Variants in SVEP1 observed in about 807,000 individuals in gnomAD.
SVEP1 encodes sushi, von Willebrand factor type A, EGF and pentraxin domain-containing protein 1.
In SVEP1, 164 loss-of-function variants were observed where a neutral mutation model predicts 367.3. That is an observed-to-expected ratio of 0.45 (90% CI 0.39 to 0.51). SVEP1 has a LOEUF of 0.51. Ranked by LOEUF, SVEP1 falls within the 20% of genes least tolerant of loss-of-function variation. SVEP1 has a pLI of 0.00. For missense variants in SVEP1, 4,117 were observed against 4,425.3 expected (o/e 0.93, Z 1.98); for synonymous variants, 1,666 against 1,611.6 (o/e 1.03, Z -0.81).
intron 1 of SVEP1, among the ~76,000 whole-genome samples, chr9:110,578,199 G>A (rs1214996461): frequency 2.0e-5 from 3 of 152,156 alleles, no homozygotes; most frequent in Non-Finnish European, 4.4e-5. Flanking sequence ...ATTGTTGCAC[G>A]CAATGGAATA....
chr9:110,489,673 C>T lies in SVEP1; in HGVS notation c.1907G>A (p.Cys636Tyr). 6.2e-7 allele frequency: 1 copy of T among 1,612,946 alleles called. No individual in the cohort carries two copies. Among genetic ancestry groups the T allele is most frequent in the Non-Finnish European group, 8.5e-7 (1 of 1,179,400 alleles). ...ACCAATAACCTTGATATGGAAAATG[C>T]AGCTGGCCTGGTTGCCGGATAGGTC... is the stretch of plus-strand genomic sequence containing the variant. ...ATDLSGNQAS[C>Y]IFHIKVIDAE... Residue 636 changes from cysteine (C) to tyrosine (Y), a missense_variant, in exon 9 of 48, where the codon TGC (cysteine) becomes TAC (tyrosine). Coordinates refer to ENST00000374469, the MANE Select transcript of SVEP1 (RefSeq NM_153366.4).
chr9:110,515,625 A>T (rs1829790217), intron 3 of SVEP1, among the ~76,000 whole-genome samples: 1 of 152,152 alleles, frequency 6.6e-6, no homozygotes, highest in Non-Finnish European at 1.5e-5. Flanking sequence ...TACATAAATT[A>T]TCTCATTTAA....
chr9:110,478,300 T>G (rs1294062966), intron 13 of SVEP1, among the ~76,000 whole-genome samples: 1 of 152,208 alleles, frequency 6.6e-6, no homozygotes, highest in Non-Finnish European at 1.5e-5. Context: ...TGTAATTTGT[T>G]TATTGTTGGT....
At chr9:110,396,313 A>G (rs1168253900) in intron 40 of SVEP1, among the ~76,000 whole-genome samples, 1 of 152,060 alleles carries the variant, frequency 6.6e-6, no homozygotes, top group Non-Finnish European at 1.5e-5. Flanking sequence ...GAACAAAGAC[A>G]CAACATACCA....
At chr9:110,403,127 CT>C (rs1827888383) in intron 39 of SVEP1, among the ~76,000 whole-genome samples, 2 of 151,942 alleles carry the variant, frequency 1.3e-5, no homozygotes, top group Non-Finnish European at 2.9e-5. Flanking sequence ...GTCTGCTATA[CT>C]CTGCCACATT....
chr9:110,567,225 C>T (rs565257433), intron 1 of SVEP1, among the ~76,000 whole-genome samples: 24 of 152,158 alleles, frequency 1.6e-4, no homozygotes, highest in African/African-American at 5.8e-4. Context: ...TGATCTTTGT[C>T]GTAAGCAAGC....
chr9:110,482,387 G>A lies in SVEP1; in HGVS notation c.2144C>T (p.Thr715Ile). 6.2e-7 allele frequency: 1 copy of A among 1,612,650 alleles called. No homozygotes were observed. The highest frequency in any genetic ancestry group is 8.5e-7 in the Non-Finnish European group (1 of 1,179,456). The change falls in exon 11 of 48, where the codon ACA becomes ATA. Residue 715 changes from threonine (T) to isoleucine (I), a missense_variant. Around this residue, in one of 4 missense-constraint regions of SVEP1, gnomAD observed 2,174 missense variants for 2,494.3 expected, o/e 0.87. Coordinates refer to ENST00000374469, the MANE Select transcript of SVEP1 (RefSeq NM_153366.4). ...TATDPSGNNR[T>I]CDIHIVIKGS... ...TTTTATGACAATATGGATATCACATGTCCTGTTATTGCCTGAGGGGTCAGT... is the reference window on the plus strand; with the variant it reads ...TTTTATGACAATATGGATATCACATATCCTGTTATTGCCTGAGGGGTCAGT...
chr9:110,553,251 T>C (rs1393869854), intron 1 of SVEP1, among the ~76,000 whole-genome samples: 2 of 152,288 alleles, frequency 1.3e-5, no homozygotes, highest in East Asian at 1.9e-4. Flanking sequence ...AGAGGTAATA[T>C]TTCTCAACGT....
At chr9:110,442,554 G>C (rs1564144020) in intron 27 of SVEP1, 1 of 150,642 alleles carries the variant, frequency 6.6e-6, no homozygotes, top group Admixed American at 6.6e-5. Flanking sequence ...TTCGCCTCCT[G>C]GGTTCAAGCG....
intron 40 of SVEP1, among the ~76,000 whole-genome samples, chr9:110,394,576 C>T (rs1035107822): frequency 3.9e-5 from 6 of 152,044 alleles, no homozygotes; most frequent in Admixed American, 1.3e-4. Flanking sequence ...GAAGTTCAAA[C>T]GAATGGCAAA....
chr9:110,551,119 A>T (rs186418465), intron 1 of SVEP1, among the ~76,000 whole-genome samples: 365 of 152,342 alleles, frequency 2.4e-3, no homozygotes, highest in African/African-American at 8.4e-3. Context: ...GAAACACTAC[A>T]TGTTTTTCAG....
chr9:110,481,401 C>G lies in SVEP1; in HGVS notation c.2206G>C (p.Gly736Arg), dbSNP rs779126368. 391 of 1,600,724 alleles carry G rather than the reference C, an allele frequency of 2.4e-4. No homozygotes were observed. The highest frequency in any genetic ancestry group is 3.1e-4 in the Non-Finnish European group (365 of 1,173,384). Reference protein sequence around the residue: ...PCEIPFTPVNGDFICTPDNTG... With the variant: ...PCEIPFTPVNRDFICTPDNTG... ...TTATCTGGAGTGCATATAAAATCCC[C>G]ATTTACAGGTGTGAATGGAATTTCA... The change falls in exon 12 of 48, where the codon GGG becomes CGG. Residue 736 changes from glycine (G) to arginine (R), a missense_variant. Coordinates refer to ENST00000374469, the MANE Select transcript of SVEP1 (RefSeq NM_153366.4).
In SVEP1 at chr9:110,415,803, G is replaced by A. The variant is rs572577753; in HGVS notation, c.5976-4068C>T. ...GAAATTTCCATGTGCCAGAAATGAA[G>A]AGGAAATTACAAACAGAAAAGTAAA... is the stretch of plus-strand genomic sequence containing the variant. On this transcript the variant is annotated intron_variant, in intron 36 of 47. Transcript: ENST00000374469. 1.1e-4 allele frequency among the ~76,000 whole-genome samples: 17 copies of A among 152,146 alleles called. 1 individual carries two copies. Among genetic ancestry groups the A allele is most frequent in the African/African-American group, 4.1e-4 (17 of 41,400 alleles).
At chr9:110,369,064 G>T (rs1021421686) in intron 47 of SVEP1, among the ~76,000 whole-genome samples, 1 of 152,042 alleles carries the variant, frequency 6.6e-6, no homozygotes, top group Non-Finnish European at 1.5e-5. Context: ...ATATGGTAGG[G>T]GTAAGTGTAC....
rs1491369063 is a variant in SVEP1 at position 110,390,290 on chromosome 9, CTT to C, written c.9823-705_9823-704del. Among the ~76,000 whole-genome samples the C allele has an allele frequency of 1.8e-4, 3 of 16,986 alleles. 1 individual carries two copies. The highest frequency in any genetic ancestry group is 1.1e-3 in the African/African-American group (2 of 1,828). The allele number at this position is 16,986 out of a possible 152,430, so 11.1% of individuals were successfully genotyped here. A position where few individuals can be genotyped will look rare whatever the true frequency, so the allele number is the denominator to read the frequency against. The stretch of plus-strand genomic sequence containing the variant: ...ATATATATACTTATATATATACATA[CTT>C]ATATATACTTATATAAGTATGTGTA... On this transcript the variant is annotated intron_variant, in intron 40 of 47. Coordinates refer to ENST00000374469, the MANE Select transcript of SVEP1 (RefSeq NM_153366.4).
intron 32 of SVEP1, among the ~76,000 whole-genome samples, chr9:110,431,559 A>G (rs887401854): frequency 4.6e-5 from 7 of 152,340 alleles, no homozygotes; most frequent in Non-Finnish European, 8.8e-5. Flanking sequence ...AGATATTGAT[A>G]GTGAAGATGT....
At chr9:110,448,006 C>T (rs1828630026) in intron 24 of SVEP1, among the ~76,000 whole-genome samples, 1 of 152,076 alleles carries the variant, frequency 6.6e-6, no homozygotes, top group Non-Finnish European at 1.5e-5. Flanking sequence ...TATGATACCA[C>T]TTATGTAACA....
chr9:110,572,789 CAAAAAAAAA>C lies in SVEP1; in HGVS notation c.531+6215_531+6223del, dbSNP rs56077443. On this transcript the variant is annotated intron_variant, in intron 1 of 47. Coordinates refer to ENST00000374469, the MANE Select transcript of SVEP1 (RefSeq NM_153366.4). ...AGAGGGTGACCCTCTCTCTCTCTCA[CAAAAAAAAA>C]AAAAAAAAAAAAAAAAAATGAGTAC... 4.3e-3 allele frequency among the ~76,000 whole-genome samples: 331 copies of C among 76,530 alleles called. 8 individuals are homozygous for C. In the East Asian group the frequency reaches 0.1, roughly 23 times the overall value. 50.2% of individuals were successfully genotyped at this position (76,530 alleles called of 152,430 possible). A position where few individuals can be genotyped will look rare whatever the true frequency, so the allele number is the denominator to read the frequency against.
At position 110,406,251 on chromosome 9, in the gene SVEP1, A is replaced by C; in HGVS notation, c.9349T>G (p.Cys3117Gly). 1 of 1,613,950 alleles carries C rather than the reference A, an allele frequency of 6.2e-7. No homozygotes were observed. The highest frequency in any genetic ancestry group is 8.5e-7 in the Non-Finnish European group (1 of 1,179,848). The change falls in exon 38 of 48, where the codon TGT (cysteine) becomes GGT (glycine). Residue 3117 changes from cysteine (C) to glycine (G), a missense_variant. Around this residue, in one of 4 missense-constraint regions of SVEP1, gnomAD observed 1,765 missense variants for 1,781.1 expected, o/e 0.99. Coordinates refer to ENST00000374469, the MANE Select transcript of SVEP1 (RefSeq NM_153366.4). ...GGGGACCCACAGGACAAGGGCTCACAGACTGGATAAGGCTGGCTCCATACC... is the reference window on the plus strand; with the variant it reads ...GGGGACCCACAGGACAAGGGCTCACCGACTGGATAAGGCTGGCTCCATACC... ...KGVWSQPYPV[C>G]EPLSCGSPPS... is the part of the protein sequence containing the mutation.
Sources: allele counts gnomAD v4.1 joint callset (sites outside exome capture counted in the v4.1 genomes callset), GRCh38; gene constraint gnomAD v4.1.1; regional missense constraint gnomAD v4.1.1; transcripts MANE v1.5; gene names NCBI Gene and HGNC (gene_info 2026-07-23, HGNC 2026-07-21).